SKAP1: variants seen among roughly 807,000 people sequenced by gnomAD.
The protein encoded by SKAP1 is src kinase-associated phosphoprotein 1.
In SKAP1, 44 loss-of-function variants were observed where a neutral mutation model predicts 58.5. That is an observed-to-expected ratio of 0.75 (90% CI 0.59 to 0.97). The LOEUF is 0.97. SKAP1 is among the 50% of genes least tolerant of loss of function. The probability of loss-of-function intolerance (pLI) is 0.00; values close to 1 mark genes in which losing one functional copy is unlikely to be tolerated. For synonymous variants in SKAP1, 127 were observed against 149.7 expected (o/e 0.85, Z 1.11); for missense variants, 390 against 435.2 (o/e 0.90, Z 0.92).
intron 8 of SKAP1, 130 bp from the exon 9 acceptor site, chr17:48,180,378 A>G (rs934708283): frequency 1.4e-6 from 1 of 705,140 alleles, no homozygotes; most frequent in African/African-American, 1.8e-5. Flanking sequence ...ATTAGGTTAA[A>G]TGCTATTATT....
chr17:48,336,880 G>C (rs867534878), intron 4 of SKAP1, among the ~76,000 whole-genome samples: 3 of 152,082 alleles, frequency 2.0e-5, no homozygotes, highest in East Asian at 3.8e-4. Context: ...AGTAATTCTA[G>C]TTAACCCTAT....
At chr17:48,224,186 C>T (rs928075016) in intron 4 of SKAP1, among the ~76,000 whole-genome samples, 1 of 151,944 alleles carries the variant, frequency 6.6e-6, no homozygotes, top group Non-Finnish European at 1.5e-5. Context: ...TCTTAGCCAA[C>T]AGTAACTTGA....
chr17:48,373,353 A>C (rs2067110893), intron 2 of SKAP1, among the ~76,000 whole-genome samples: 1 of 152,160 alleles, frequency 6.6e-6, no homozygotes, highest in African/African-American at 2.4e-5. Context: ...CCCACGATCT[A>C]ATCACCTCCC....
At chr17:48,295,394 G>A (rs1188372449) in intron 4 of SKAP1, among the ~76,000 whole-genome samples, 1 of 151,998 alleles carries the variant, frequency 6.6e-6, no homozygotes, top group Non-Finnish European at 1.5e-5. Flanking sequence ...AAAAATTGTA[G>A]CATATGATAA....
At chr17:48,366,020 C>A (rs1262878073) in intron 2 of SKAP1, among the ~76,000 whole-genome samples, 1 of 152,066 alleles carries the variant, frequency 6.6e-6, no homozygotes, top group Non-Finnish European at 1.5e-5. Flanking sequence ...CAAAATAAGG[C>A]AGGTTGGACA....
chr17:48,190,096 C>G (rs191650427), intron 4 of SKAP1, among the ~76,000 whole-genome samples: 156 of 149,342 alleles, frequency 1.0e-3, no homozygotes, highest in African/African-American at 3.6e-3. Context: ...GAAAAGGACT[C>G]CAGAAAATTA....
intron 11 of SKAP1, among the ~76,000 whole-genome samples, chr17:48,137,745 G>A (rs1179240373): frequency 6.6e-6 from 1 of 152,224 alleles, no homozygotes; most frequent in Non-Finnish European, 1.5e-5. Flanking sequence ...TGCTGTTTGA[G>A]TTCCCATGAG....
intron 10 of SKAP1, among the ~76,000 whole-genome samples, chr17:48,170,334 T>C (rs2064191472): frequency 6.6e-6 from 1 of 152,182 alleles, no homozygotes; most frequent in Non-Finnish European, 1.5e-5. Context: ...TAAGAAATAT[T>C]GATAGGAAAA....
the SKAP1 span, among the ~76,000 whole-genome samples, chr17:48,438,012 C>T: frequency 2.8e-3 from 419 of 152,224 alleles, 6 homozygotes; most frequent in African/African-American, 8.8e-3. Flanking sequence ...CATCCAATTT[C>T]CCCACCATCC....
At chr17:48,265,837 C>T (rs1179090657) in intron 4 of SKAP1, among the ~76,000 whole-genome samples, 3 of 152,154 alleles carry the variant, frequency 2.0e-5, no homozygotes, top group African/African-American at 7.2e-5. Flanking sequence ...AGGGAGCTGG[C>T]CATGCTCCAA....
chr17:48,170,313 C>T (rs1386303351), intron 10 of SKAP1, among the ~76,000 whole-genome samples: 1 of 152,190 alleles, frequency 6.6e-6, no homozygotes, highest in Non-Finnish European at 1.5e-5. Flanking sequence ...TCTATTTTCA[C>T]TGTACTGATA....
At chr17:48,281,417 C>T (rs964949874) in intron 4 of SKAP1, among the ~76,000 whole-genome samples, 8 of 152,234 alleles carry the variant, frequency 5.3e-5, no homozygotes, top group African/African-American at 1.4e-4. Flanking sequence ...TGATGGGGTT[C>T]TTCTCACTGC....
intron 1 of SKAP1, among the ~76,000 whole-genome samples, chr17:48,398,098 T>G (rs2067444755): frequency 6.6e-6 from 1 of 152,182 alleles, no homozygotes; most frequent in Non-Finnish European, 1.5e-5. Flanking sequence ...GAACCTTTAT[T>G]TCCTCAGTGA....
intron 4 of SKAP1, among the ~76,000 whole-genome samples, 200 bp from the exon 5 acceptor site, chr17:48,189,700 T>A (rs2064511196): frequency 6.6e-6 from 1 of 150,678 alleles, no homozygotes; most frequent in Admixed American, 6.6e-5. Context: ...TGAGACAGAG[T>A]CTTGGTCTGT....
intron 4 of SKAP1, among the ~76,000 whole-genome samples, chr17:48,276,688 A>G (rs2065705434): frequency 6.6e-6 from 1 of 152,232 alleles, no homozygotes; most frequent in African/African-American, 2.4e-5. Flanking sequence ...ACCCTGGGTC[A>G]GGTAACTTTT....
chr17:48,253,629 C>T lies in SKAP1; in HGVS notation c.281-64129G>A, dbSNP rs539802954. Reference sequence around the variant, plus strand: ...AGGCATAGGTGCCGGACTCATCTCTCCCCACTGAACCTGGACCCTGCTGTG... The same window carrying T: ...AGGCATAGGTGCCGGACTCATCTCTTCCCACTGAACCTGGACCCTGCTGTG... On this transcript the variant is annotated intron_variant, in intron 4 of 12. Transcript: ENST00000336915. Among the ~76,000 whole-genome samples, 281 of 152,220 alleles carry T rather than the reference C, an allele frequency of 1.8e-3. 6 individuals carry two copies. The South Asian group carries it at 0.04, about 22-fold the overall frequency.
chr17:48,311,731 C>T (rs931761598), intron 4 of SKAP1, among the ~76,000 whole-genome samples: 2 of 152,174 alleles, frequency 1.3e-5, no homozygotes, highest in South Asian at 2.1e-4. Context: ...TCTTCACTCA[C>T]GGGCCTGGTT....
At chr17:48,369,388 G>A (rs2067055150) in intron 2 of SKAP1, among the ~76,000 whole-genome samples, 1 of 151,454 alleles carries the variant, frequency 6.6e-6, no homozygotes, top group South Asian at 2.1e-4. Flanking sequence ...TTACTGAGGA[G>A]GCTGAGGTGG....
intron 11 of SKAP1, among the ~76,000 whole-genome samples, chr17:48,158,787 CG>C (rs2064027256): frequency 6.6e-6 from 1 of 150,922 alleles, no homozygotes; most frequent in African/African-American, 2.4e-5. Flanking sequence ...GGTGAAACCG[CG>C]TCTCTACTAA....
Sources: allele counts gnomAD v4.1 joint callset (sites outside exome capture counted in the v4.1 genomes callset), GRCh38; gene constraint gnomAD v4.1.1; transcripts MANE v1.5; gene names NCBI Gene and HGNC (gene_info 2026-07-23, HGNC 2026-07-21).